The following ANKRD55 variants were observed in gnomAD, a reference collection of about 807,000 sequenced individuals.
ANKRD55 encodes ankyrin repeat domain 55.
ANKRD55 carries 41 observed loss-of-function variants against 60.6 expected under a neutral mutation model. The ratio of observed to expected loss-of-function variants is 0.68; its 90% CI spans 0.53 to 0.88. The LOEUF (loss-of-function observed/expected upper bound fraction) is 0.88, where lower values mean the gene tolerates loss of function less well. Among genes scored for constraint, ANKRD55 ranks in the 40% least tolerant of loss-of-function variants. The pLI, the probability that ANKRD55 is intolerant of heterozygous loss-of-function variation, is 0.00. For missense variants in ANKRD55, 732 were observed against 767.6 expected, an observed-to-expected ratio of 0.95 and a Z score of 0.55; for synonymous variants, 264 against 290.3, an observed-to-expected ratio of 0.91 and a Z score of 0.92.
chr5:56,176,320 G>A, intron 3 of ANKRD55, 38 bp from the exon 4 acceptor site: 1 of 1,613,506 alleles, frequency 6.2e-7, no homozygotes, highest in East Asian at 2.2e-5. Context: ...AAACATGTGT[G>A]ACCCATGAAA....
intron 2 of ANKRD55, among the ~76,000 whole-genome samples, chr5:56,221,305 T>G (rs539046412): frequency 2.0e-5 from 3 of 152,368 alleles, no homozygotes; most frequent in African/African-American, 7.2e-5. Flanking sequence ...AGCACAGATC[T>G]TTTTGTCTAG....
chr5:56,101,689 C>A (rs1198895116), intron 11 of ANKRD55, among the ~76,000 whole-genome samples: 1 of 152,104 alleles, frequency 6.6e-6, no homozygotes, highest in Non-Finnish European at 1.5e-5. Context: ...TTGAAGATCA[C>A]TGGCCCAATG....
At chr5:56,193,838 T>C (rs180979248) in intron 2 of ANKRD55, among the ~76,000 whole-genome samples, 11 of 152,342 alleles carry the variant, frequency 7.2e-5, no homozygotes, top group African/African-American at 2.4e-4. Context: ...GATACAGTCA[T>C]ATAAAAATAT....
intron 10 of ANKRD55, among the ~76,000 whole-genome samples, chr5:56,109,417 T>C (rs1756601718): frequency 6.6e-6 from 1 of 152,184 alleles, no homozygotes; most frequent in Non-Finnish European, 1.5e-5. Context: ...AATTTCATAA[T>C]TTAAAAATAT....
rs1445154641 is a variant in ANKRD55, at chr5:56,232,884, G to T, written c.30C>A (p.Ser10Arg). The change falls in exon 2 of 12, where the codon AGC (serine) becomes AGA (arginine). Residue 10 changes from serine to arginine, a missense_variant. Around this residue, in one of 3 missense-constraint regions of ANKRD55, gnomAD observed 131 missense variants for 142.7 expected, o/e 0.92. Coordinates refer to ENST00000341048, the MANE Select transcript of ANKRD55 (RefSeq NM_024669.3). MMRQATMDFSTPSVFDQQRG... is the reference protein window; with the variant it reads MMRQATMDFRTPSVFDQQRG... ...TTTGCTGATCAAACACAGAAGGGGTGCTGAAATCCATGGTAGCCTGTCTCA... is the reference window on the plus strand; with the variant it reads ...TTTGCTGATCAAACACAGAAGGGGTTCTGAAATCCATGGTAGCCTGTCTCA... 1 of 1,614,032 alleles carries T rather than the reference G, an allele frequency of 6.2e-7. No homozygotes were observed. The highest frequency in any genetic ancestry group is 1.3e-5 in the African/African-American group (1 of 74,912).
At chr5:56,232,752 AC>A in intron 2 of ANKRD55, 103 bp downstream of exon 2, 1 of 1,175,988 alleles carries the variant, frequency 8.5e-7, no homozygotes, top group South Asian at 1.3e-5. Flanking sequence ...ATGAACACAC[AC>A]ACACACACAC....
chr5:56,184,780 C>T (rs932574216), intron 2 of ANKRD55, among the ~76,000 whole-genome samples: 1 of 151,934 alleles, frequency 6.6e-6, no homozygotes, highest in Non-Finnish European at 1.5e-5. Flanking sequence ...TACCTGTAGT[C>T]CCAGGTACTC....
At chr5:56,191,873 C>T (rs767308307) in intron 2 of ANKRD55, among the ~76,000 whole-genome samples, 2 of 152,150 alleles carry the variant, frequency 1.3e-5, no homozygotes, top group Non-Finnish European at 2.9e-5. Flanking sequence ...ATCTAAGTTG[C>T]GGTCAATGCA....
At chr5:56,148,589 C>T (rs1042350581) in intron 6 of ANKRD55, among the ~76,000 whole-genome samples, 2 of 151,914 alleles carry the variant, frequency 1.3e-5, no homozygotes, top group African/African-American at 2.4e-5. Flanking sequence ...AGTAATTCTG[C>T]GCCTTGAACC....
chr5:56,148,914 T>C (rs1422006931), intron 6 of ANKRD55, among the ~76,000 whole-genome samples: 1 of 152,168 alleles, frequency 6.6e-6, no homozygotes, highest in Non-Finnish European at 1.5e-5. Flanking sequence ...CAATTCCAGA[T>C]GCTTTGAAGG....
chr5:56,107,555 A>T (rs75624059), intron 10 of ANKRD55, among the ~76,000 whole-genome samples: 1 of 152,152 alleles, frequency 6.6e-6, no homozygotes, highest in Non-Finnish European at 1.5e-5. Flanking sequence ...TTTTGGAGGG[A>T]TAGCAACGTG....
rs180956601 is a variant in ANKRD55, at chr5:56,215,568, G to T, written c.58+17288C>A. Among the ~76,000 whole-genome samples the T allele has an allele frequency of 9.3e-4, 141 of 152,290 alleles. 3 individuals are homozygous for T. In the Middle Eastern group the frequency reaches 0.027, roughly 29 times the overall value. On this transcript the variant is annotated intron_variant, in intron 2 of 11. Coordinates refer to ENST00000341048, the MANE Select transcript of ANKRD55 (RefSeq NM_024669.3). Reference sequence around the variant, plus strand: ...TAGCCACCATCACCTTTTCCTTCTCGTGCTAGGTGTCAGAAAGGGGTTGAT... The same window carrying T: ...TAGCCACCATCACCTTTTCCTTCTCTTGCTAGGTGTCAGAAAGGGGTTGAT...
At chr5:56,219,328 T>A (rs186300119) in intron 2 of ANKRD55, among the ~76,000 whole-genome samples, 1 of 151,848 alleles carries the variant, frequency 6.6e-6, no homozygotes, top group African/African-American at 2.4e-5. Context: ...TATTGAATAT[T>A]ATATGCATGT....
chr5:56,214,318 C>A (rs1233682229), intron 2 of ANKRD55, among the ~76,000 whole-genome samples: 1 of 152,192 alleles, frequency 6.6e-6, no homozygotes, highest in Admixed American at 6.5e-5. Context: ...GACCAGTCAT[C>A]CATGTGACCT....
intron 6 of ANKRD55, among the ~76,000 whole-genome samples, chr5:56,158,270 G>A (rs144103716): frequency 6.6e-6 from 1 of 152,174 alleles, no homozygotes; most frequent in East Asian, 1.9e-4. Flanking sequence ...TGGTCACCTA[G>A]CTTCCTTGAA....
chr5:56,135,348 T>TTTC (rs1491212514), intron 7 of ANKRD55, among the ~76,000 whole-genome samples: 27 of 20,638 alleles, frequency 1.3e-3, no homozygotes, highest in African/African-American at 8.8e-3. Context: ...TCTTTCTTTC[T>TTTC]TTCTTTCTTT....
At chr5:56,123,517 G>C (rs1437112468) in intron 8 of ANKRD55, among the ~76,000 whole-genome samples, 1 of 152,116 alleles carries the variant, frequency 6.6e-6, no homozygotes, top group Non-Finnish European at 1.5e-5. Flanking sequence ...CTATGTGAGA[G>C]AGGTCTCCAG....
chr5:56,198,331 C>T (rs1759275269), intron 2 of ANKRD55, among the ~76,000 whole-genome samples: 1 of 151,902 alleles, frequency 6.6e-6, no homozygotes, highest in Non-Finnish European at 1.5e-5. Flanking sequence ...CGGAGTTTCG[C>T]TCTTGTTACC....
chr5:56,192,552 C>T lies in ANKRD55; in HGVS notation c.59-8918G>A, dbSNP rs1271697008. 3 of 384,752 alleles carry T rather than the reference C, an allele frequency of 7.8e-6. No homozygotes were observed. In the East Asian group the frequency reaches 1.5e-4, roughly 19 times the overall value. The allele number at this position is 384,752 out of a possible 1,614,324, so 23.8% of individuals were successfully genotyped here. Reference sequence around the variant, plus strand: ...GACAGAAATACACTTTCCGAGATGGCCTCTAAATCCTGGCTGAATTTTTTA... The same window carrying T: ...GACAGAAATACACTTTCCGAGATGGTCTCTAAATCCTGGCTGAATTTTTTA... On this transcript the variant is annotated intron_variant, in intron 2 of 11. Coordinates refer to ENST00000341048, the MANE Select transcript of ANKRD55 (RefSeq NM_024669.3).
Sources: allele counts gnomAD v4.1 joint callset (sites outside exome capture counted in the v4.1 genomes callset), GRCh38; gene constraint gnomAD v4.1.1; regional missense constraint gnomAD v4.1.1; transcripts MANE v1.5; gene names NCBI Gene and HGNC (gene_info 2026-07-23, HGNC 2026-07-21).